Variants in MROH7 observed in about 807,000 individuals in gnomAD.
The protein encoded by MROH7 is maestro heat like repeat family member 7, also known as maestro heat-like repeat-containing protein family member 7.
MROH7 carries 113 observed loss-of-function variants against 129.2 expected under a neutral mutation model. The observed-to-expected ratio is 0.87, with a 90% CI of 0.75 to 1.02. The LOEUF (loss-of-function observed/expected upper bound fraction) is 1.02. Ranked by LOEUF, MROH7 falls within the 50% of genes least tolerant of loss-of-function variation. The pLI is 0.00. For missense variants in MROH7, 1,601 were observed against 1,671.3 expected, an observed-to-expected ratio of 0.96 and a Z score of 0.73; for synonymous variants, 655 against 667.9, an observed-to-expected ratio of 0.98 and a Z score of 0.30.
Position 54,702,055 on chromosome 1 carries a change from G to A in MROH7, c.3286-35G>A, listed in dbSNP as rs1293008082. ...CAGCCGCAGTGAGTGGCGTCCCAGAGGAGGGACCCCCTCTGAGCCTTTGGT... is the reference window on the plus strand; with the variant it reads ...CAGCCGCAGTGAGTGGCGTCCCAGAAGAGGGACCCCCTCTGAGCCTTTGGT... On this transcript the variant is annotated intron_variant, in intron 19 of 23. Transcript: ENST00000421030. 4.6e-6 allele frequency: 7 copies of A among 1,521,660 alleles called. No homozygotes were observed. The South Asian group carries it at 6.4e-5, about 14-fold the overall frequency. 94.3% of individuals were successfully genotyped at this position (1,521,660 alleles called of 1,614,324 possible). A position where few individuals can be genotyped will look rare whatever the true frequency, so the allele number is the denominator to read the frequency against.
At chr1:54,672,600 A>G (rs1274380016) in intron 7 of MROH7, among the ~76,000 whole-genome samples, 1 of 152,018 alleles carries the variant, frequency 6.6e-6, no homozygotes, top group Non-Finnish European at 1.5e-5. Context: ...GAATCAGAGC[A>G]TTTCCCCGGA....
chr1:54,673,118 C>T lies in MROH7; in HGVS notation c.1627C>T (p.Leu543=). Residue 543 remains leucine, a synonymous_variant, in exon 8 of 24, where the codon CTG becomes TTG. Coordinates refer to ENST00000421030, the MANE Select transcript of MROH7 (RefSeq NM_001039464.4). ...QALYHQTLEA[L]QTLLKALFIE... ...TCTTTACCATCAGACCCTGGAGGCC[C>T]TGCAGACACTGCTCAAAGCCCTCTT... 30 of 1,613,932 alleles carry T rather than the reference C, an allele frequency of 1.9e-5. No individual in the cohort carries two copies. The highest frequency in any genetic ancestry group is 2.5e-5 in the Non-Finnish European group (30 of 1,179,926).
chr1:54,704,481 T>G (rs2101233266), intron 21 of MROH7, among the ~76,000 whole-genome samples: 1 of 146,260 alleles, frequency 6.8e-6, no homozygotes, highest in South Asian at 2.2e-4. Context: ...TCACTCAGGC[T>G]GGAGTGCAGT....
At chr1:54,682,839 T>C (rs1342629366) in intron 14 of MROH7, 45 bp downstream of exon 14, 2 of 1,589,308 alleles carry the variant, frequency 1.3e-6, no homozygotes, top group African/African-American at 1.3e-5. Flanking sequence ...TGTCCTGCCC[T>C]TCCTCTCTCC....
rs749903199 is a variant in MROH7, at chr1:54,709,013, G to T, written c.3668-1G>T. On this transcript the variant is annotated splice_acceptor_variant, in intron 22 of 23. Transcript: ENST00000421030. LOFTEE classifies it high-confidence loss of function. ...CCCTCACTTCTTGGATTACGCTCAA[G>T]GGTCCCTGGTCCCCTGCATGGAGAG... 5.0e-6 allele frequency: 8 copies of T among 1,614,048 alleles called. No homozygotes were observed. The South Asian group carries it at 8.8e-5, about 18-fold the overall frequency.
intron 1 of MROH7, among the ~76,000 whole-genome samples, chr1:54,647,964 T>A (rs899227361): frequency 1.7e-4 from 26 of 151,828 alleles, no homozygotes; most frequent in African/African-American, 6.3e-4. Context: ...TTCTTTTGCA[T>A]GTCAATATCC....
chr1:54,706,912 C>A (rs1645543835), intron 22 of MROH7, among the ~76,000 whole-genome samples: 1 of 152,184 alleles, frequency 6.6e-6, no homozygotes, highest in Non-Finnish European at 1.5e-5. Context: ...CAAGTAGAAT[C>A]TCAGTTCCAT....
rs147880126 is a variant in MROH7 at position 54,700,214 on chromosome 1, C to T, written c.2965-107C>T. On this transcript the variant is annotated intron_variant, in intron 17 of 23. Coordinates refer to ENST00000421030, the MANE Select transcript of MROH7 (RefSeq NM_001039464.4). ...TGTTGGTTTTGCAAGTCTGAAGCTC[C>T]GGGCAGAGCTGAGCCTGGTATCCAA... The T allele has an allele frequency of 6.4e-4, 930 of 1,457,802 alleles. 5 individuals are homozygous for T. In the African/African-American group the frequency reaches 7.5e-3, roughly 12 times the overall value. The allele number at this position is 1,457,802 out of a possible 1,614,324, so 90.3% of individuals were successfully genotyped here. A position where few individuals can be genotyped will look rare whatever the true frequency, so the allele number is the denominator to read the frequency against.
intron 7 of MROH7, among the ~76,000 whole-genome samples, chr1:54,671,752 G>A (rs934782139): frequency 6.6e-6 from 1 of 152,216 alleles, no homozygotes; most frequent in Non-Finnish European, 1.5e-5. Flanking sequence ...TTAGCAAATA[G>A]TAACTCAGTA....
intron 15 of MROH7, among the ~76,000 whole-genome samples, chr1:54,690,492 A>G (rs11206412): frequency 0.32 from 48,147 of 149,334 alleles, 8,066 homozygotes; most frequent in Middle Eastern, 0.37. Context: ...CGCCCAGGCT[A>G]GAGTGCAGTG....
intron 3 of MROH7, chr1:54,663,789 C>T (rs781215576): frequency 4.0e-5 from 18 of 454,684 alleles, no homozygotes; most frequent in Non-Finnish European, 7.5e-5. Flanking sequence ...ACTTTCCCTG[C>T]TTGAGTCCTG....
At chr1:54,705,913 T>G (rs1645525633) in intron 21 of MROH7, among the ~76,000 whole-genome samples, 1 of 152,200 alleles carries the variant, frequency 6.6e-6, no homozygotes, top group Non-Finnish European at 1.5e-5. Context: ...TCTCCCACTT[T>G]CTACCTGTCA....
chr1:54,664,497 G>A (rs1644782040), intron 3 of MROH7, among the ~76,000 whole-genome samples: 2 of 152,190 alleles, frequency 1.3e-5, no homozygotes, highest in Admixed American at 1.3e-4. Flanking sequence ...ACCGTGCAAA[G>A]GCCCTGAGGG....
chr1:54,692,693 A>G (rs1006436038), intron 16 of MROH7, 132 bp downstream of exon 16: 4 of 884,408 alleles, frequency 4.5e-6, no homozygotes, highest in Admixed American at 5.7e-5. Flanking sequence ...CTTCTCTACA[A>G]CTGGGAGGGT....
At chr1:54,671,372 C>A (rs1431517826) in intron 7 of MROH7, among the ~76,000 whole-genome samples, 1 of 152,242 alleles carries the variant, frequency 6.6e-6, no homozygotes, top group East Asian at 1.9e-4. Context: ...TGCACTCCAG[C>A]CTGGGCGACA....
rs888069674 is a variant in MROH7 at position 54,646,481 on chromosome 1, T to C, written c.-110+4513T>C. 7.9e-5 allele frequency among the ~76,000 whole-genome samples: 12 copies of C among 152,370 alleles called. 1 individual carries two copies. Among genetic ancestry groups the C allele is most frequent in the African/African-American group, 2.6e-4 (11 of 41,594 alleles). On this transcript the variant is annotated intron_variant, in intron 1 of 23. Coordinates refer to ENST00000421030, the MANE Select transcript of MROH7 (RefSeq NM_001039464.4). ...AAACTCCAGGGAACTCACCATAGTG[T>C]CAGCCTTCAAGTCCTGAGATGCCTA...
intron 1 of MROH7, among the ~76,000 whole-genome samples, chr1:54,648,001 C>T (rs1159200930): frequency 2.0e-5 from 3 of 149,990 alleles, no homozygotes; most frequent in Non-Finnish European, 4.4e-5. Flanking sequence ...TTTGTTGAAA[C>T]ATTTGTTGAA....
intron 15 of MROH7, among the ~76,000 whole-genome samples, chr1:54,688,813 C>G (rs1457009415): frequency 6.6e-6 from 1 of 152,106 alleles, no homozygotes; most frequent in Non-Finnish European, 1.5e-5. Flanking sequence ...AAAAAGGAGG[C>G]TCTGGAGGGG....
chr1:54,680,149 C>A, intron 13 of MROH7, 104 bp downstream of exon 13: 1 of 1,018,220 alleles, frequency 9.8e-7, no homozygotes, highest in South Asian at 1.4e-5. Flanking sequence ...CTCGCCCTCC[C>A]AGATGGCCCC....
Sources: gnomAD v4.1 joint callset for allele counts (sites outside exome capture counted in the v4.1 genomes callset) on GRCh38, gnomAD v4.1.1 for gene constraint, MANE v1.5 for transcripts, NCBI Gene and HGNC (gene_info 2026-07-23, HGNC 2026-07-21) for gene names.